Variants in OCA2 observed in about 807,000 individuals in gnomAD.
The protein encoded by OCA2 is P protein.
In OCA2, 77 loss-of-function variants were observed where a neutral mutation model predicts 100.2. The observed-to-expected ratio is 0.77, with a 90% confidence interval of 0.64 to 0.93. The LOEUF is 0.93. OCA2 is among the 40% of genes least tolerant of loss of function. OCA2 has a pLI of 0.00. For synonymous variants in OCA2, 432 were observed against 439.2 expected (o/e 0.98, Z 0.21); for missense variants, 1,062 against 1,089.1 (o/e 0.98, Z 0.35).
At position 28,086,297 on chromosome 15, in the gene OCA2, AGGTCAGTAAT is replaced by A. The variant is rs575210765; in HGVS notation, c.-21-4412_-21-4403del. On this transcript the variant is annotated intron_variant, in intron 1 of 23. Transcript: ENST00000354638. ...GGCCACTCCCCAGTGGTGTCACTAG[AGGTCAGTAAT>A]GAGCAGTAATGAGGTGTCCCACCCC... Among the ~76,000 whole-genome samples, 65 of 152,286 alleles carry A rather than the reference AGGTCAGTAAT, an allele frequency of 4.3e-4. No homozygotes were observed. In the East Asian group the frequency reaches 6.0e-3, roughly 14 times the overall value.
chr15:28,054,656 T>A (rs1205257963), intron 2 of OCA2, among the ~76,000 whole-genome samples: 1 of 152,222 alleles, frequency 6.6e-6, no homozygotes, highest in African/African-American at 2.4e-5. Context: ...ACTCTTACAT[T>A]ATTGTTACTT....
At chr15:27,773,508 T>A (rs2032013411) in intron 23 of OCA2, among the ~76,000 whole-genome samples, 1 of 152,358 alleles carries the variant, frequency 6.6e-6, no homozygotes, top group East Asian at 1.9e-4. Context: ...TGGAGAAAGA[T>A]GACATCTGAT....
intron 15 of OCA2, among the ~76,000 whole-genome samples, chr15:27,962,411 G>A (rs1307810639): frequency 1.3e-5 from 2 of 152,176 alleles, no homozygotes; most frequent in Admixed American, 6.5e-5. Context: ...TACTTAGAGT[G>A]GCCACATACA....
intron 23 of OCA2, among the ~76,000 whole-genome samples, chr15:27,817,325 C>T (rs1285757207): frequency 6.6e-6 from 1 of 152,230 alleles, no homozygotes; most frequent in Non-Finnish European, 1.5e-5. Context: ...TGACCTGCTT[C>T]CTCAGAGCCA....
chr15:27,727,089 C>T, the OCA2 span, among the ~76,000 whole-genome samples: 2 of 152,194 alleles, frequency 1.3e-5, no homozygotes, highest in South Asian at 2.1e-4. Context: ...TTAGAAGGCG[C>T]ACCATGTGCA....
At chr15:27,816,106 C>CAA (rs2034288651) in intron 23 of OCA2, among the ~76,000 whole-genome samples, 2 of 152,112 alleles carry the variant, frequency 1.3e-5, no homozygotes, top group Non-Finnish European at 2.9e-5. Context: ...TGCACTCCAG[C>CAA]CTGGGCAACA....
At chr15:27,958,700 C>T (rs2040312413) in intron 15 of OCA2, among the ~76,000 whole-genome samples, 1 of 152,192 alleles carries the variant, frequency 6.6e-6, no homozygotes, top group Admixed American at 6.5e-5. Context: ...CATTTAACCT[C>T]TATTTTACTG....
chr15:27,951,164 C>G (rs1054854388), intron 18 of OCA2, among the ~76,000 whole-genome samples: 1 of 152,160 alleles, frequency 6.6e-6, no homozygotes, highest in African/African-American at 2.4e-5. Flanking sequence ...TGAGCTCCCC[C>G]TGAGAGAGCC....
At chr15:27,929,478 T>C (rs914686615) in intron 18 of OCA2, among the ~76,000 whole-genome samples, 6 of 152,148 alleles carry the variant, frequency 3.9e-5, no homozygotes, top group Admixed American at 6.5e-5. Flanking sequence ...ACTAATCATA[T>C]ACGAAATTTA....
intron 19 of OCA2, among the ~76,000 whole-genome samples, chr15:27,902,212 TGTTG>T (rs1567082591): frequency 4.0e-5 from 6 of 151,194 alleles, no homozygotes; most frequent in South Asian, 4.2e-4. Flanking sequence ...AAGTTGTTGT[TGTTG>T]TTGTTTTTTT....
chr15:27,983,470 G>A lies in OCA2; in HGVS notation c.1378C>T (p.Leu460Phe), dbSNP rs748692597. ...TPVTIRLCEV[L>F]NLDPRQVLIA... ...AGGACTTGTCTTGGATCAAGGTTGAGCACCTCACACAACCTGTCACAAATG... is the reference window on the plus strand; with the variant it reads ...AGGACTTGTCTTGGATCAAGGTTGAACACCTCACACAACCTGTCACAAATG... Residue 460 changes from leucine (L) to phenylalanine (F), a missense_variant, in exon 14 of 24, where the codon CTC (leucine) becomes TTC (phenylalanine). By Grantham distance (22) the Leu-to-Phe change is conservative. Coordinates refer to ENST00000354638, the MANE Select transcript of OCA2 (RefSeq NM_000275.3). 1.8e-5 allele frequency: 29 copies of A among 1,614,090 alleles called. No homozygotes were observed. Among genetic ancestry groups the A allele is most frequent in the Middle Eastern group, 1.6e-4 (1 of 6,082 alleles).
the OCA2 span, among the ~76,000 whole-genome samples, chr15:27,746,663 C>T: frequency 5.3e-5 from 8 of 152,212 alleles, no homozygotes; most frequent in African/African-American, 1.9e-4. Flanking sequence ...AGCCACGACA[C>T]TGGTCTTCAG....
intron 23 of OCA2, among the ~76,000 whole-genome samples, chr15:27,830,169 A>G (rs2034896561): frequency 6.6e-6 from 1 of 152,226 alleles, no homozygotes; most frequent in Admixed American, 6.5e-5. Flanking sequence ...AATAATTTAA[A>G]CATGATGGTA....
chr15:28,076,850 T>C (rs1217201229), intron 2 of OCA2, among the ~76,000 whole-genome samples: 1 of 99,138 alleles, frequency 1.0e-5, no homozygotes. Context: ...CGAGACTCCG[T>C]CTCAAAAAAA....
chr15:28,027,767 C>T (rs2042797013), intron 4 of OCA2, 104 bp downstream of exon 4: 3 of 1,238,338 alleles, frequency 2.4e-6, no homozygotes, highest in Admixed American at 3.8e-5. Context: ...TGAGACAAAA[C>T]TCATCCTCTT....
intron 19 of OCA2, among the ~76,000 whole-genome samples, chr15:27,923,948 G>A (rs922724858): frequency 6.6e-6 from 1 of 152,184 alleles, no homozygotes; most frequent in Non-Finnish European, 1.5e-5. Context: ...CCTATGTGCA[G>A]AATGGTATTG....
chr15:27,729,655 T>C, the OCA2 span, among the ~76,000 whole-genome samples: 2 of 152,186 alleles, frequency 1.3e-5, no homozygotes, highest in African/African-American at 4.8e-5. Flanking sequence ...AGCCTTCTCA[T>C]GCTGCCACTT....
chr15:27,987,505 A>G (rs920697322), intron 11 of OCA2, among the ~76,000 whole-genome samples: 7 of 151,732 alleles, frequency 4.6e-5, no homozygotes, highest in East Asian at 2.0e-4. Flanking sequence ...GGATCACGAG[A>G]TCAGGAGATC....
At chr15:27,903,633 C>G (rs1040216817) in intron 19 of OCA2, among the ~76,000 whole-genome samples, 26 of 152,230 alleles carry the variant, frequency 1.7e-4, no homozygotes, top group African/African-American at 6.0e-4. Context: ...CTCCATCCCC[C>G]AGGAGCGGGT....
Sources: gnomAD v4.1 joint callset for allele counts (sites outside exome capture counted in the v4.1 genomes callset) on GRCh38, gnomAD v4.1.1 for gene constraint, MANE v1.5 for transcripts, NCBI Gene and HGNC (gene_info 2026-07-23, HGNC 2026-07-21) for gene names.